CDCP1: variants seen among roughly 807,000 people sequenced by gnomAD.
CDCP1 encodes CUB domain containing protein 1.
A neutral mutation model predicts 60.2 loss-of-function variants in CDCP1; 29 were observed. The observed-to-expected ratio is 0.48, with a 90% CI of 0.36 to 0.66. The LOEUF (loss-of-function observed/expected upper bound fraction) is 0.66, where lower values mean the gene tolerates loss of function less well. Among genes scored for constraint, CDCP1 ranks in the 30% least tolerant of loss-of-function variants. CDCP1 has a pLI of 0.00. For missense variants in CDCP1, 876 were observed against 1,074.3 expected, an observed-to-expected ratio of 0.82 and a Z score of 2.58; for synonymous variants, 387 against 431.1, an observed-to-expected ratio of 0.90 and a Z score of 1.27.
chr3:45,126,752 T>A (rs1293562779), intron 1 of CDCP1, among the ~76,000 whole-genome samples: 1 of 152,182 alleles, frequency 6.6e-6, no homozygotes, highest in African/African-American at 2.4e-5. Flanking sequence ...ACAACAAACA[T>A]TTAATGATTC....
intron 7 of CDCP1, among the ~76,000 whole-genome samples, chr3:45,090,435 G>A (rs964418026): frequency 1.3e-5 from 2 of 152,156 alleles, no homozygotes; most frequent in East Asian, 1.9e-4. Flanking sequence ...GGATTCCAAC[G>A]TTTCACTGAG....
chr3:45,091,005 T>A lies in CDCP1; in HGVS notation c.1993+168A>T, dbSNP rs1296551225. ...TAATAGATGGCTGCTACTAAGCCACTATGTTCTGGGATGGTTTGTTACTCA... is the reference window on the plus strand; with the variant it reads ...TAATAGATGGCTGCTACTAAGCCACAATGTTCTGGGATGGTTTGTTACTCA... On this transcript the variant is annotated intron_variant, in intron 7 of 8. Coordinates refer to ENST00000296129, the MANE Select transcript of CDCP1 (RefSeq NM_022842.5). This position sits in a 1 kb window ranked among gnomAD's most constrained non-coding sequence, Gnocchi z 4.8. 6.6e-6 allele frequency among the ~76,000 whole-genome samples: 1 copy of A among 152,198 alleles called. No homozygotes were observed. The highest frequency in any genetic ancestry group is 1.9e-4 in the East Asian group (1 of 5,200).
intron 2 of CDCP1, among the ~76,000 whole-genome samples, chr3:45,116,787 G>T (rs560146028): frequency 6.6e-6 from 1 of 152,096 alleles, no homozygotes; most frequent in East Asian, 1.9e-4. Flanking sequence ...CCCCTCCTTG[G>T]TTATTTATTT....
At position 45,085,797 on chromosome 3, in the gene CDCP1, T is replaced by C. The variant is rs778022412; in HGVS notation, c.2352A>G (p.Pro784=). Residue 784 remains proline (P), a synonymous_variant, in exon 9 of 9, where the codon CCA becomes CCG. Coordinates refer to ENST00000296129, the MANE Select transcript of CDCP1 (RefSeq NM_022842.5). The surrounding 1 kb of genome is among the most constrained non-coding windows in gnomAD (Gnocchi z 4.2). ...GCTCCTCAGTGGCCAACTTTGCAGT[T>C]GGGGCCCTGGAGCATATGGTGGGTG... ...PSPPTICSRA[P]TAKLATEEPP... 2 of 1,614,084 alleles carry C rather than the reference T, an allele frequency of 1.2e-6. No homozygotes were observed. The highest frequency in any genetic ancestry group is 1.7e-6 in the Non-Finnish European group (2 of 1,180,004).
chr3:45,107,272 T>C (rs1698581980), intron 4 of CDCP1, among the ~76,000 whole-genome samples: 1 of 151,906 alleles, frequency 6.6e-6, no homozygotes, highest in African/African-American at 2.4e-5. Context: ...AGTGGCACAA[T>C]ATTGGCTCAC....
rs2139536 is a variant in CDCP1 at position 45,084,723 on chromosome 3, A to G, written c.*915T>C. ...TGTTGTTTTTAAGCTACCAAGTAAT[A>G]GGTTGCAGTGGCAACAGAAAACTAA... On this transcript the variant is annotated 3_prime_UTR_variant, in exon 9 of 9. Transcript: ENST00000296129. 148,325 of 152,784 alleles carry G rather than the reference A, an allele frequency of 0.97. 72,164 individuals carry two copies. Among genetic ancestry groups the G allele is most frequent in the Middle Eastern group, 1 (294 of 294 alleles). The allele number at this position is 152,784 out of a possible 1,614,324, so 9.5% of individuals were successfully genotyped here. A position where few individuals can be genotyped will look rare whatever the true frequency, so the allele number is the denominator to read the frequency against.
intron 1 of CDCP1, among the ~76,000 whole-genome samples, chr3:45,120,964 T>C (rs1296330769): frequency 6.6e-6 from 1 of 152,070 alleles, no homozygotes; most frequent in Non-Finnish European, 1.5e-5. Context: ...CGTGAGCTCC[T>C]ACAGGAGGCA....
intron 8 of CDCP1, among the ~76,000 whole-genome samples, chr3:45,087,881 G>A (rs1375625223): frequency 6.6e-6 from 1 of 152,162 alleles, no homozygotes; most frequent in Admixed American, 6.6e-5. Flanking sequence ...AATTAGCTGG[G>A]CGTGGTGGCG....
intron 1 of CDCP1, among the ~76,000 whole-genome samples, chr3:45,133,453 T>C: frequency 8.1e-6 from 1 of 123,348 alleles, no homozygotes; most frequent in Non-Finnish European, 1.7e-5. Context: ...GCATGGTGGC[T>C]CACGCCTGTA....
intron 5 of CDCP1, among the ~76,000 whole-genome samples, chr3:45,094,288 C>T (rs1698357990): frequency 6.6e-6 from 1 of 151,794 alleles, no homozygotes; most frequent in Non-Finnish European, 1.5e-5. Context: ...TGAAGTGGTG[C>T]GATCTCGGCT....
chr3:45,089,117 G>T lies in CDCP1; in HGVS notation c.2018C>A (p.Ala673Glu), dbSNP rs35428731. Residue 673 changes from alanine (A) to glutamate (E), a missense_variant, in exon 8 of 9, where the codon GCG becomes GAG. Ala to Glu is a moderately radical substitution (Grantham distance 107). This residue lies in a region of CDCP1 where 726 missense variants were observed against 935.7 expected (regional missense o/e 0.78). Coordinates refer to ENST00000296129, the MANE Select transcript of CDCP1 (RefSeq NM_022842.5). ...TVDLTVILIA[A>E]VGGGVLLLSA... is the part of the protein sequence containing the mutation. Reference sequence around the variant, plus strand: ...CAGCAGTAAGACTCCACCTCCCACCGCTGCGATGAGGATGACAGTCAAGTC... The same window carrying T: ...CAGCAGTAAGACTCCACCTCCCACCTCTGCGATGAGGATGACAGTCAAGTC... 6.2e-7 allele frequency: 1 copy of T among 1,613,904 alleles called. No individual in the cohort carries two copies. The highest frequency in any genetic ancestry group is 8.5e-7 in the Non-Finnish European group (1 of 1,179,874).
At chr3:45,096,412 G>A (rs913581876) in intron 4 of CDCP1, among the ~76,000 whole-genome samples, 5 of 152,010 alleles carry the variant, frequency 3.3e-5, no homozygotes, top group Non-Finnish European at 5.9e-5. Context: ...ATCACCTGAG[G>A]TCAGGAGTTC....
At chr3:45,124,161 T>C (rs760439314) in intron 1 of CDCP1, among the ~76,000 whole-genome samples, 2 of 152,214 alleles carry the variant, frequency 1.3e-5, no homozygotes, top group Non-Finnish European at 2.9e-5. Flanking sequence ...CACATCCCTG[T>C]TATTTCTTCT....
Position 45,112,147 on chromosome 3 carries a change from G to A in CDCP1, c.591C>T (p.His197=). Residue 197 remains histidine, a synonymous_variant, in exon 3 of 9, where the codon CAC becomes CAT. Coordinates refer to ENST00000296129, the MANE Select transcript of CDCP1 (RefSeq NM_022842.5). ...CATTTCTGGGGTGGAACCATGGGAGGTGTAAGGCCATTTTCACTCCTTCTT... is the reference window on the plus strand; with the variant it reads ...CATTTCTGGGGTGGAACCATGGGAGATGTAAGGCCATTTTCACTCCTTCTT... ...KMQEGVKMAL[H]LPWFHPRNVS... 1.2e-6 allele frequency: 2 copies of A among 1,614,160 alleles called. No homozygotes were observed. Among genetic ancestry groups the A allele is most frequent in the Non-Finnish European group, 1.7e-6 (2 of 1,180,028 alleles).
intron 1 of CDCP1, among the ~76,000 whole-genome samples, chr3:45,119,094 C>T (rs1218907467): frequency 6.6e-6 from 1 of 152,122 alleles, no homozygotes; most frequent in African/African-American, 2.4e-5. Flanking sequence ...CACATACACA[C>T]GTACGTACAT....
intron 1 of CDCP1, among the ~76,000 whole-genome samples, chr3:45,135,199 A>AC (rs11423321): frequency 0.99 from 150,881 of 152,142 alleles, 74,819 homozygotes; most frequent in East Asian, 1. Context: ...AGATGAATAT[A>AC]CAAAAATTCA....
intron 2 of CDCP1, among the ~76,000 whole-genome samples, chr3:45,114,823 G>A (rs1179151796): frequency 1.3e-5 from 2 of 152,290 alleles, no homozygotes; most frequent in African/African-American, 4.8e-5. Flanking sequence ...ATGAAGGGCA[G>A]GTGGACCACT....
At chr3:45,089,862 G>T (rs986024760) in intron 7 of CDCP1, among the ~76,000 whole-genome samples, 1 of 152,186 alleles carries the variant, frequency 6.6e-6, no homozygotes, top group Non-Finnish European at 1.5e-5. Flanking sequence ...AAAGCAGGGA[G>T]TCAAAAGTCA....
intron 1 of CDCP1, among the ~76,000 whole-genome samples, chr3:45,119,448 T>C (rs1393535290): frequency 6.6e-6 from 1 of 152,128 alleles, no homozygotes; most frequent in African/African-American, 2.4e-5. Flanking sequence ...GGATTCTGAT[T>C]ATGAGTCTCC....
Sources: gnomAD v4.1 joint callset for allele counts (sites outside exome capture counted in the v4.1 genomes callset) on GRCh38, gnomAD v4.1.1 for gene constraint, gnomAD v4.1.1 regional missense constraint, Gnocchi (gnomAD v3.1) non-coding constraint, MANE v1.5 for transcripts, NCBI Gene and HGNC (gene_info 2026-07-23, HGNC 2026-07-21) for gene names.